PLEK: variants seen among roughly 807,000 people sequenced by gnomAD.
PLEK encodes the protein pleckstrin.
PLEK carries 25 observed loss-of-function variants against 43.9 expected under a neutral mutation model. The ratio of observed to expected loss-of-function variants is 0.57; its 90% CI spans 0.41 to 0.79. The LOEUF is 0.79. Ranked by LOEUF, PLEK falls within the 30% of genes least tolerant of loss-of-function variation. The pLI is 0.00. For synonymous variants in PLEK, 152 were observed against 144.4 expected (o/e 1.05, Z -0.38); for missense variants, 396 against 413.3 (o/e 0.96, Z 0.36).
chr2:68,378,751 C>G (rs1381276541), intron 1 of PLEK, among the ~76,000 whole-genome samples: 1 of 152,182 alleles, frequency 6.6e-6, no homozygotes, highest in Non-Finnish European at 1.5e-5. Flanking sequence ...CTAGAAATCT[C>G]TGAGGTAGTC....
At chr2:68,365,425 G>C in intron 1 of PLEK, 32 bp downstream of exon 1, 2 of 1,580,146 alleles carry the variant, frequency 1.3e-6, no homozygotes, top group South Asian at 1.1e-5. Context: ...CAGGGTGTCA[G>C]TGGACATGGG....
intron 6 of PLEK, among the ~76,000 whole-genome samples, chr2:68,391,561 G>T (rs192079479): frequency 6.6e-6 from 1 of 152,294 alleles, no homozygotes; most frequent in Admixed American, 6.5e-5. Context: ...CCATCCTTCA[G>T]GAAGTAGAAA....
chr2:68,396,147 TAAA>T lies in PLEK; in HGVS notation c.*343_*345del, dbSNP rs10572542. 8.4e-3 allele frequency: 1,564 copies of T among 186,464 alleles called. No homozygotes were observed. Among genetic ancestry groups the T allele is most frequent in the Middle Eastern group, 0.012 (6 of 486 alleles). 11.6% of individuals were successfully genotyped at this position (186,464 alleles called of 1,614,324 possible). A position where few individuals can be genotyped will look rare whatever the true frequency, so the allele number is the denominator to read the frequency against. Reference sequence around the variant, plus strand: ...GTAGATTCCTGAGGTCCCCCTAGCTTAAAAAAAAAAAAAATCTGCCCCATGATT... The same window carrying T: ...GTAGATTCCTGAGGTCCCCCTAGCTTAAAAAAAAAAATCTGCCCCATGATT... On this transcript the variant is annotated 3_prime_UTR_variant, in exon 9 of 9. Coordinates refer to ENST00000234313, the MANE Select transcript of PLEK (RefSeq NM_002664.3).
chr2:68,388,689 G>T (rs1673798163), intron 6 of PLEK, among the ~76,000 whole-genome samples, 198 bp downstream of exon 6: 1 of 151,926 alleles, frequency 6.6e-6, no homozygotes, highest in Non-Finnish European at 1.5e-5. Context: ...CAGGGCAGAA[G>T]ATGTCCCTAA....
intron 8 of PLEK, among the ~76,000 whole-genome samples, chr2:68,395,078 T>A (rs1230452416): frequency 3.3e-5 from 5 of 152,148 alleles, no homozygotes; most frequent in Non-Finnish European, 1.5e-5. Context: ...GGTTATTGCC[T>A]TTTAGTCTTC....
At chr2:68,378,389 C>T (rs1336092213) in intron 1 of PLEK, among the ~76,000 whole-genome samples, 1 of 152,178 alleles carries the variant, frequency 6.6e-6, no homozygotes, top group Non-Finnish European at 1.5e-5. Context: ...AGGAGGCCTG[C>T]AAGTCTGAGG....
intron 8 of PLEK, among the ~76,000 whole-genome samples, chr2:68,395,186 T>C (rs60061601): frequency 0.19 from 28,777 of 150,586 alleles, 3,580 homozygotes; most frequent in African/African-American, 0.36. Flanking sequence ...TAAACATATA[T>C]ATATATACAC....
At chr2:68,381,493 G>C (rs577163095) in intron 3 of PLEK, among the ~76,000 whole-genome samples, 1 of 152,174 alleles carries the variant, frequency 6.6e-6, no homozygotes, top group Non-Finnish European at 1.5e-5. Flanking sequence ...TCCTTCCTGA[G>C]TATCTCACAT....
chr2:68,375,269 C>G (rs1673480860), intron 1 of PLEK, among the ~76,000 whole-genome samples: 1 of 152,154 alleles, frequency 6.6e-6, no homozygotes, highest in Middle Eastern at 3.2e-3. Flanking sequence ...TGATTTGAAT[C>G]TGCATTTTCC....
chr2:68,391,466 A>G (rs932028796), intron 6 of PLEK, among the ~76,000 whole-genome samples: 5 of 152,254 alleles, frequency 3.3e-5, no homozygotes, highest in African/African-American at 1.2e-4. Context: ...TTGGAAGTCT[A>G]TGCTTTGCAA....
At chr2:68,369,482 CTTTTTTT>C (rs367660375) in intron 1 of PLEK, among the ~76,000 whole-genome samples, 2 of 135,130 alleles carry the variant, frequency 1.5e-5, no homozygotes, top group East Asian at 2.1e-4. Flanking sequence ...AAACCGTACT[CTTTTTTT>C]TTTTTTTTTT....
intron 5 of PLEK, 75 bp from the exon 6 acceptor site, chr2:68,388,312 G>C: frequency 1.2e-6 from 1 of 812,004 alleles, no homozygotes; most frequent in Non-Finnish European, 2.2e-6. Context: ...CTGGAGGGGA[G>C]GGGGAATGGA....
At chr2:68,393,973 A>G in intron 7 of PLEK, 134 bp from the exon 8 acceptor site, 8 of 607,602 alleles carry the variant, frequency 1.3e-5, no homozygotes, top group East Asian at 3.0e-5. Context: ...TTTTTCTTTA[A>G]TCTCCTTCTG....
In PLEK at chr2:68,389,814, C is replaced by T. The variant is rs527707538; in HGVS notation, c.762+1323C>T. On this transcript the variant is annotated intron_variant, in intron 6 of 8. Coordinates refer to ENST00000234313, the MANE Select transcript of PLEK (RefSeq NM_002664.3). ...GGCAGTTGCCTACGGACAGTTTGCCCGCTGCTGCTTTCTCGTTGGTTTTGC... is the reference window on the plus strand; with the variant it reads ...GGCAGTTGCCTACGGACAGTTTGCCTGCTGCTGCTTTCTCGTTGGTTTTGC... 1.2e-4 allele frequency among the ~76,000 whole-genome samples: 19 copies of T among 152,218 alleles called. No homozygotes were observed. The East Asian group carries it at 1.9e-3, about 15-fold the overall frequency.
At chr2:68,392,909 A>G (rs1173212216) in intron 6 of PLEK, among the ~76,000 whole-genome samples, 1 of 152,200 alleles carries the variant, frequency 6.6e-6, no homozygotes, top group South Asian at 2.1e-4. Context: ...GCCTTATATC[A>G]TACTAAAACT....
intron 1 of PLEK, 59 bp downstream of exon 1, chr2:68,365,452 T>C (rs880668): frequency 0.75 from 1,026,308 of 1,365,700 alleles, 388,866 homozygotes; most frequent in African/African-American, 0.93. Flanking sequence ...AGACTTGGGT[T>C]CAGCTCCACC....
At chr2:68,383,416 G>T (rs1455862941) in intron 4 of PLEK, among the ~76,000 whole-genome samples, 1 of 152,130 alleles carries the variant, frequency 6.6e-6, no homozygotes, top group Non-Finnish European at 1.5e-5. Flanking sequence ...ATTTGACCCT[G>T]AAAGATGGGT....
chr2:68,394,416 A>G (rs1673918634), intron 8 of PLEK, among the ~76,000 whole-genome samples: 1 of 152,188 alleles, frequency 6.6e-6, no homozygotes, highest in Non-Finnish European at 1.5e-5. Flanking sequence ...TACTAAAAAT[A>G]CAAAAATTAG....
chr2:68,365,830 A>G (rs548999552), intron 1 of PLEK, among the ~76,000 whole-genome samples: 1 of 152,274 alleles, frequency 6.6e-6, no homozygotes. Flanking sequence ...TAAAGAGTTG[A>G]TATAATGATA....
Sources: gnomAD v4.1 joint callset for allele counts (sites outside exome capture counted in the v4.1 genomes callset) on GRCh38, gnomAD v4.1.1 for gene constraint, MANE v1.5 for transcripts, NCBI Gene and HGNC (gene_info 2026-07-23, HGNC 2026-07-21) for gene names.